RPS6KB1: variants seen among roughly 807,000 people sequenced by gnomAD.
The protein encoded by RPS6KB1 is ribosomal protein S6 kinase B1, also known as ribosomal protein S6 kinase beta-1.
Under a neutral mutation model 70.2 loss-of-function variants are expected in RPS6KB1, and 12 were observed. The ratio of observed to expected loss-of-function variants is 0.17; its 90% CI spans 0.11 to 0.28. The LOEUF is 0.28. Among genes scored for constraint, RPS6KB1 ranks in the 10% least tolerant of loss-of-function variants. RPS6KB1 has a pLI of 1.00. For missense variants in RPS6KB1, 270 were observed against 646.6 expected, an observed-to-expected ratio of 0.42 and a Z score of 6.32; for synonymous variants, 175 against 211.2, an observed-to-expected ratio of 0.83 and a Z score of 1.49.
At chr17:59,945,235 T>C in intron 13 of RPS6KB1, 171 bp from the exon 14 acceptor site, 1 of 480,846 alleles carries the variant, frequency 2.1e-6, no homozygotes. Flanking sequence ...CCTCACGAAA[T>C]GGCTGGAAAG....
intron 1 of RPS6KB1, among the ~76,000 whole-genome samples, chr17:59,908,305 G>A (rs989730781): frequency 2.6e-5 from 4 of 151,012 alleles, no homozygotes; most frequent in Non-Finnish European, 5.9e-5. Flanking sequence ...AGATTCTTCT[G>A]CCTCAGCCTC....
At chr17:59,914,955 C>G (rs2042853530) in intron 4 of RPS6KB1, among the ~76,000 whole-genome samples, 1 of 151,874 alleles carries the variant, frequency 6.6e-6, no homozygotes, top group Non-Finnish European at 1.5e-5. Context: ...GTAGTAAGAC[C>G]CAGTCTCTTA....
intron 13 of RPS6KB1, 196 bp from the exon 14 acceptor site, chr17:59,945,210 T>C (rs2044852505): frequency 4.5e-6 from 2 of 446,688 alleles, no homozygotes; most frequent in South Asian, 4.3e-5. Flanking sequence ...GAATTCTGCT[T>C]TCTTGAAGTG....
intron 1 of RPS6KB1, chr17:59,907,017 T>C (rs1327709556): frequency 1.3e-5 from 2 of 152,078 alleles, no homozygotes; most frequent in African/African-American, 2.4e-5. Flanking sequence ...TTTTTTTTTT[T>C]TGAGACAGAG....
At chr17:59,928,550 A>G (rs1252772245) in intron 5 of RPS6KB1, among the ~76,000 whole-genome samples, 2 of 151,982 alleles carry the variant, frequency 1.3e-5, no homozygotes, top group Non-Finnish European at 2.9e-5. Context: ...GGGTTTCACC[A>G]TGTTGGCCAG....
At chr17:59,926,999 A>G (rs541879553) in intron 5 of RPS6KB1, among the ~76,000 whole-genome samples, 2 of 152,340 alleles carry the variant, frequency 1.3e-5, no homozygotes, top group Non-Finnish European at 2.9e-5. Flanking sequence ...TATGTAGCTT[A>G]TAATGGAAAT....
intron 4 of RPS6KB1, 43 bp from the exon 5 acceptor site, chr17:59,926,392 A>G (rs2043611088): frequency 1.5e-6 from 2 of 1,357,674 alleles, no homozygotes; most frequent in South Asian, 2.7e-5. Flanking sequence ...TAGAATAAAA[A>G]TGTTCACTAT....
chr17:59,899,819 T>C (rs2041800823), intron 1 of RPS6KB1, among the ~76,000 whole-genome samples: 1 of 152,106 alleles, frequency 6.6e-6, no homozygotes. Context: ...GAGTGAGTTA[T>C]GACTAAAATT....
At chr17:59,923,809 C>T (rs1401836020) in intron 4 of RPS6KB1, among the ~76,000 whole-genome samples, 8 of 151,996 alleles carry the variant, frequency 5.3e-5, no homozygotes, top group Non-Finnish European at 1.5e-5. Context: ...TGCCCGACCA[C>T]ATTCTTCTTT....
chr17:59,938,775 C>T (rs1568494925), intron 12 of RPS6KB1, among the ~76,000 whole-genome samples: 1 of 139,796 alleles, frequency 7.2e-6, no homozygotes, highest in Non-Finnish European at 1.5e-5. Flanking sequence ...CTGATCATTG[C>T]CTATGTCAGC....
intron 1 of RPS6KB1, among the ~76,000 whole-genome samples, chr17:59,909,970 C>T (rs926370885): frequency 6.6e-6 from 1 of 151,898 alleles, no homozygotes; most frequent in Admixed American, 6.6e-5. Flanking sequence ...CGAGATGGCG[C>T]CACTGCACTC....
chr17:59,949,574 A>G lies in RPS6KB1; in HGVS notation c.*2786A>G, dbSNP rs1238442862. 1 of 152,586 alleles carries G rather than the reference A, an allele frequency of 6.6e-6. No homozygotes were observed. Among genetic ancestry groups the G allele is most frequent in the African/African-American group, 2.4e-5 (1 of 41,470 alleles). 9.5% of individuals were successfully genotyped at this position (152,586 alleles called of 1,614,324 possible). ...AGGTTTGTAGCATTACAGAATAACTAAACTGGGATTTATAAACCAGCTGTG... is the reference window on the plus strand; with the variant it reads ...AGGTTTGTAGCATTACAGAATAACTGAACTGGGATTTATAAACCAGCTGTG... On this transcript the variant is annotated 3_prime_UTR_variant, in exon 15 of 15. Coordinates refer to ENST00000225577, the MANE Select transcript of RPS6KB1 (RefSeq NM_003161.4).
intron 1 of RPS6KB1, among the ~76,000 whole-genome samples, chr17:59,906,263 G>T (rs1046559456): frequency 1.3e-5 from 2 of 152,144 alleles, no homozygotes; most frequent in Non-Finnish European, 2.9e-5. Flanking sequence ...GATGGCTGTA[G>T]CTTTGTAACA....
chr17:59,919,891 G>GTGA (rs1418429791), intron 4 of RPS6KB1, among the ~76,000 whole-genome samples: 2 of 152,018 alleles, frequency 1.3e-5, no homozygotes, highest in African/African-American at 4.8e-5. Flanking sequence ...TCTATAGATA[G>GTGA]ATTCAACTTC....
intron 1 of RPS6KB1, among the ~76,000 whole-genome samples, chr17:59,897,614 A>G (rs1361156784): frequency 6.6e-6 from 1 of 152,182 alleles, no homozygotes; most frequent in African/African-American, 2.4e-5. Context: ...AGATTAAAAG[A>G]TGAGACTAAA....
intron 1 of RPS6KB1, among the ~76,000 whole-genome samples, chr17:59,899,623 C>G (rs1487141911): frequency 6.6e-6 from 1 of 152,118 alleles, no homozygotes; most frequent in Non-Finnish European, 1.5e-5. Context: ...TTACGTAGAG[C>G]AACAAAGACA....
rs1266554874 is a variant in RPS6KB1 at position 59,936,229 on chromosome 17, T to C, written c.993T>C (p.Asn331=). ...RDLLKKLLKR[N]AASRLGAGPG... is the part of the protein sequence containing the mutation. ...CCTCTTTAAAGCTGCTGAAAAGAAA[T>C]GCTGCTTCTCGTCTGGGAGCTGGTC... The change falls in exon 11 of 15, where the codon AAT becomes AAC. Residue 331 remains asparagine, a synonymous_variant. Transcript: ENST00000225577. The C allele has an allele frequency of 7.5e-6, 12 of 1,596,000 alleles. No homozygotes were observed. Among genetic ancestry groups the C allele is most frequent in the Non-Finnish European group, 1.0e-5 (12 of 1,175,850 alleles).
intron 7 of RPS6KB1, among the ~76,000 whole-genome samples, chr17:59,932,848 C>T (rs1411548023): frequency 6.6e-6 from 1 of 152,164 alleles, no homozygotes; most frequent in Non-Finnish European, 1.5e-5. Context: ...CCACCTTCCC[C>T]CCAGCCAGAA....
At chr17:59,920,649 A>G (rs1448748613) in intron 4 of RPS6KB1, among the ~76,000 whole-genome samples, 2 of 152,244 alleles carry the variant, frequency 1.3e-5, no homozygotes, top group Non-Finnish European at 2.9e-5. Flanking sequence ...ATAGAATTGA[A>G]GGCAGCATAA....
Sources: allele counts gnomAD v4.1 joint callset (sites outside exome capture counted in the v4.1 genomes callset), GRCh38; gene constraint gnomAD v4.1.1; transcripts MANE v1.5; gene names NCBI Gene and HGNC (gene_info 2026-07-23, HGNC 2026-07-21).